Variants in TRERF1 observed in about 807,000 individuals in gnomAD.
TRERF1 encodes transcriptional-regulating factor 1.
In TRERF1, 27 loss-of-function variants were observed where a neutral mutation model predicts 122.9. The observed-to-expected ratio is 0.22, with a 90% CI of 0.16 to 0.30. The LOEUF is 0.30. TRERF1 is among the 10% of genes least tolerant of loss of function. The probability of loss-of-function intolerance (pLI) is 1.00; values close to 1 mark genes in which losing one functional copy is unlikely to be tolerated. For missense variants in TRERF1, 1,248 were observed against 1,560.3 expected (o/e 0.80, Z 3.37); for synonymous variants, 636 against 641.7 (o/e 0.99, Z 0.13).
chr6:42,264,561 G>A (rs372748106), intron 7 of TRERF1, 143 bp downstream of exon 7: 196 of 1,324,222 alleles, frequency 1.5e-4, no homozygotes, highest in Non-Finnish European at 1.8e-4. Flanking sequence ...GGCTCCCAGC[G>A]CCAAAGCCTA....
chr6:42,364,642 C>G (rs1772385315), intron 2 of TRERF1, among the ~76,000 whole-genome samples: 1 of 152,330 alleles, frequency 6.6e-6, no homozygotes, highest in East Asian at 1.9e-4. Flanking sequence ...TGTGTGGCAA[C>G]ATGGAAGCCG....
At chr6:42,277,898 GGAAGAAGGAAGAAGAAGAAGAA>G (rs1229938678) in intron 4 of TRERF1, among the ~76,000 whole-genome samples, 165 of 113,972 alleles carry the variant, frequency 1.4e-3, no homozygotes, top group Admixed American at 2.3e-3. Context: ...GAAGGAAGAA[GGAAGAAGGAAGAAGAAGAAGAA>G]GAAGAAGAAG....
At chr6:42,367,791 T>G (rs149602983) in intron 2 of TRERF1, among the ~76,000 whole-genome samples, 16 of 152,156 alleles carry the variant, frequency 1.1e-4, no homozygotes, top group African/African-American at 3.4e-4. Flanking sequence ...CTGAGGTGTA[T>G]AGCAGGGGAC....
chr6:42,307,513 G>A lies in TRERF1; in HGVS notation c.-370-6764C>T, dbSNP rs142988465. ...GGAGAGTTCAAGGCTATTTCATATT[G>A]GAACGGGCCCTCCAGGCCAGCCTCA... On this transcript the variant is annotated intron_variant, in intron 3 of 17. Transcript: ENST00000372922. Among the ~76,000 whole-genome samples, 445 of 152,132 alleles carry A rather than the reference G, an allele frequency of 2.9e-3. 2 individuals carry two copies. Among genetic ancestry groups the A allele is most frequent in the African/African-American group, 0.01 (420 of 41,500 alleles).
chr6:42,236,519 T>G (rs112858658), intron 15 of TRERF1, 108 bp from the exon 16 acceptor site: 8 of 1,439,858 alleles, frequency 5.6e-6, no homozygotes, highest in African/African-American at 4.3e-5. Flanking sequence ...ATGCTGGCGC[T>G]GTGTTCCTTT....
At chr6:42,291,524 C>A (rs1418835771) in intron 4 of TRERF1, among the ~76,000 whole-genome samples, 1 of 149,664 alleles carries the variant, frequency 6.7e-6, no homozygotes, top group South Asian at 2.1e-4. Flanking sequence ...TGTTTTGTTT[C>A]GTTTTTGTTG....
chr6:42,289,681 C>T (rs1783964239), intron 4 of TRERF1, among the ~76,000 whole-genome samples: 1 of 152,150 alleles, frequency 6.6e-6, no homozygotes. Context: ...CCCATATCAT[C>T]AAATGCTCAT....
chr6:42,317,882 G>A (rs1290816820), intron 3 of TRERF1, among the ~76,000 whole-genome samples: 10 of 151,972 alleles, frequency 6.6e-5, no homozygotes, highest in Non-Finnish European at 1.3e-4. Flanking sequence ...GGCTAGGCAC[G>A]GTGGCTCACA....
At chr6:42,235,759 T>G in intron 16 of TRERF1, among the ~76,000 whole-genome samples, 1 of 152,192 alleles carries the variant, frequency 6.6e-6, no homozygotes, top group East Asian at 1.9e-4. Context: ...CAAAACCTTC[T>G]AAATAGGTAA....
At chr6:42,420,102 C>T (rs1782543026) in intron 2 of TRERF1, among the ~76,000 whole-genome samples, 2 of 152,198 alleles carry the variant, frequency 1.3e-5, no homozygotes, top group African/African-American at 4.8e-5. Context: ...GTGATTTAAC[C>T]TACCTAGGAG....
rs943097515 is a variant in TRERF1, at chr6:42,268,565, T to C, written c.1026A>G (p.Gln342=). 3 of 1,614,112 alleles carry C rather than the reference T, an allele frequency of 1.9e-6. No homozygotes were observed. Among genetic ancestry groups the C allele is most frequent in the South Asian group, 1.1e-5 (1 of 91,068 alleles). The change falls in exon 5 of 18, where the codon CAA becomes CAG. Residue 342 remains glutamine (Q), a synonymous_variant. Transcript: ENST00000372922. The surrounding 1 kb of genome is among the most constrained non-coding windows in gnomAD (Gnocchi z 4.4). The stretch of plus-strand genomic sequence containing the variant: ...AAGAAGGAGGCTGCAGGTGCATCTG[T>C]TGCTGCTGCTGCTCTTGCAAGTGCT...
chr6:42,265,796 A>C (rs1301978365), exon 6 of TRERF1: 2 of 1,612,958 alleles, frequency 1.2e-6, no homozygotes, highest in Non-Finnish European at 1.7e-6. Context: ...AGGTAGGTGC[A>C]TCTAATTTTG....
chr6:42,340,288 A>G (rs867912825), intron 3 of TRERF1, among the ~76,000 whole-genome samples: 4 of 152,074 alleles, frequency 2.6e-5, no homozygotes, highest in Non-Finnish European at 4.4e-5. Flanking sequence ...GACAGCTTTA[A>G]GGGATGTGTT....
chr6:42,236,456 G>T, intron 15 of TRERF1, 45 bp from the exon 16 acceptor site: 1 of 1,538,668 alleles, frequency 6.5e-7, no homozygotes, highest in Admixed American at 2.0e-5. Context: ...TCCCCAAATG[G>T]CATTCTTAGT....
chr6:42,373,081 C>T (rs765169501), intron 2 of TRERF1, among the ~76,000 whole-genome samples: 2 of 152,200 alleles, frequency 1.3e-5, no homozygotes, highest in Non-Finnish European at 2.9e-5. Context: ...AGAGGATGCA[C>T]ATAAAATGCT....
chr6:42,263,878 A>C lies in TRERF1; in HGVS notation c.1636-310T>G, dbSNP rs1312139966. Among the ~76,000 whole-genome samples the C allele has an allele frequency of 6.6e-6, 1 of 152,234 alleles. No homozygotes were observed. The highest frequency in any genetic ancestry group is 6.5e-5 in the Admixed American group (1 of 15,290). The stretch of plus-strand genomic sequence containing the variant: ...GGACACGGACTTGTAATCAGTCCAA[A>C]AGAAGGTACGATCTTGTGTAGGAGT... On this transcript the variant is annotated intron_variant, in intron 7 of 17. Transcript: ENST00000372922. This position sits in a 1 kb window ranked among gnomAD's most constrained non-coding sequence, Gnocchi z 5.6.
intron 9 of TRERF1, 72 bp from the exon 10 acceptor site, chr6:42,258,273 G>T (rs1777122301): frequency 1.5e-5 from 20 of 1,366,924 alleles, no homozygotes; most frequent in East Asian, 4.8e-5. Context: ...CAAATGAGCA[G>T]TTACCTAACC....
chr6:42,294,793 T>C (rs1369995781), intron 4 of TRERF1, among the ~76,000 whole-genome samples: 1 of 152,194 alleles, frequency 6.6e-6, no homozygotes, highest in Non-Finnish European at 1.5e-5. Flanking sequence ...AATCCATTGT[T>C]GCAATGTACA....
chr6:42,431,559 AT>A (rs1784508911), intron 2 of TRERF1, among the ~76,000 whole-genome samples: 1 of 152,116 alleles, frequency 6.6e-6, no homozygotes, highest in Non-Finnish European at 1.5e-5. Context: ...TGGGCCCTCT[AT>A]TTACACCTCT....
Sources: allele counts gnomAD v4.1 joint callset (sites outside exome capture counted in the v4.1 genomes callset), GRCh38; gene constraint gnomAD v4.1.1; non-coding constraint Gnocchi (gnomAD v3.1); transcripts MANE v1.5; gene names NCBI Gene and HGNC (gene_info 2026-07-23, HGNC 2026-07-21).